Variants in ZNF148 observed in about 807,000 individuals in gnomAD.
ZNF148 encodes the protein zinc finger protein 148, also known as Beta-Enolase Repressor Factor-1.
Under a neutral mutation model 67.7 loss-of-function variants are expected in ZNF148, and 7 were observed. The ratio of observed to expected loss-of-function variants is 0.10; its 90% CI spans 0.06 to 0.19. The LOEUF (loss-of-function observed/expected upper bound fraction) is 0.19, where lower values mean the gene tolerates loss of function less well. Ranked by LOEUF, ZNF148 falls within the 10% of genes least tolerant of loss-of-function variation. The pLI is 1.00. For synonymous variants in ZNF148, 333 were observed against 330.7 expected (o/e 1.01, Z -0.08); for missense variants, 583 against 947.1 (o/e 0.62, Z 5.05).
At chr3:125,284,848 G>A (rs1938571804) in intron 5 of ZNF148, among the ~76,000 whole-genome samples, 1 of 151,062 alleles carries the variant, frequency 6.6e-6, no homozygotes, top group Non-Finnish European at 1.5e-5. Flanking sequence ...AGTGTATTTA[G>A]GCAAATTTCA....
intron 2 of ZNF148, 35 bp downstream of exon 2, chr3:125,331,123 A>C (rs1941272829): frequency 2.5e-6 from 1 of 398,440 alleles, no homozygotes; most frequent in South Asian, 1.3e-4. Context: ...ATTACAGGTA[A>C]AAATTAAAGA....
Position 125,233,442 on chromosome 3 carries a change from T to C in ZNF148, c.1284A>G (p.Glu428=), listed in dbSNP as rs776766082. The change falls in exon 9 of 9, where the codon GAA becomes GAG. Residue 428 remains glutamate, a synonymous_variant. Transcript: ENST00000360647. The surrounding 1 kb of genome is among the most constrained non-coding windows in gnomAD (Gnocchi z 5.1). ...CCAGTAAAGCCTGTTTATCCACAAGTTCAAAAGCATACTTTGAAACTTTGC... is the reference window on the plus strand; with the variant it reads ...CCAGTAAAGCCTGTTTATCCACAAGCTCAAAAGCATACTTTGAAACTTTGC... The part of the protein sequence containing the change: ...EESKVSKYAF[E]LVDKQALLDS... 2 of 1,613,822 alleles carry C rather than the reference T, an allele frequency of 1.2e-6. No individual in the cohort carries two copies. The highest frequency in any genetic ancestry group is 3.3e-5 in the Admixed American group (2 of 59,922).
At chr3:125,351,763 A>G (rs1245285375) in intron 1 of ZNF148, among the ~76,000 whole-genome samples, 1 of 152,250 alleles carries the variant, frequency 6.6e-6, no homozygotes, top group Non-Finnish European at 1.5e-5. Context: ...TCTCCAAAAA[A>G]TACATACAAA....
intron 7 of ZNF148, among the ~76,000 whole-genome samples, chr3:125,274,099 T>C (rs2107599133): frequency 6.6e-6 from 1 of 152,330 alleles, no homozygotes; most frequent in East Asian, 1.9e-4. Context: ...ATTCTATATA[T>C]GCATTTTTAA....
At position 125,232,238 on chromosome 3, in the gene ZNF148, G is replaced by T; in HGVS notation, c.*103C>A. The T allele has an allele frequency of 3.1e-6, 4 of 1,290,268 alleles. No individual in the cohort carries two copies. The highest frequency in any genetic ancestry group is 3.2e-5 in the South Asian group (2 of 61,670). 79.9% of individuals were successfully genotyped at this position (1,290,268 alleles called of 1,614,324 possible). Reference sequence around the variant, plus strand: ...TCATATCAGCTTAACTTGTTATTACGCATTGCTCTTAAATCTGTACAGCAC... The same window carrying T: ...TCATATCAGCTTAACTTGTTATTACTCATTGCTCTTAAATCTGTACAGCAC... On this transcript the variant is annotated 3_prime_UTR_variant, in exon 9 of 9. Transcript: ENST00000360647. This position sits in a 1 kb window ranked among gnomAD's most constrained non-coding sequence, Gnocchi z 4.2.
intron 1 of ZNF148, among the ~76,000 whole-genome samples, chr3:125,373,251 C>T (rs1390730342): frequency 6.6e-6 from 1 of 151,272 alleles, no homozygotes; most frequent in Non-Finnish European, 1.5e-5. Context: ...TCGACACCAG[C>T]CTGGCATGGT....
chr3:125,283,309 A>G (rs990081350), intron 5 of ZNF148, among the ~76,000 whole-genome samples: 6 of 152,116 alleles, frequency 3.9e-5, no homozygotes, highest in African/African-American at 1.4e-4. Flanking sequence ...TTTTCTCATC[A>G]CCAAATTTCC....
intron 1 of ZNF148, 132 bp downstream of exon 1, chr3:125,374,970 C>G (rs1405492839): frequency 6.6e-6 from 1 of 151,668 alleles, no homozygotes; most frequent in Non-Finnish European, 1.5e-5. Context: ...GGCCCCCTGG[C>G]CACCCCCAGC....
At chr3:125,310,380 AAAG>A (rs1304388716) in intron 4 of ZNF148, among the ~76,000 whole-genome samples, 1 of 152,148 alleles carries the variant, frequency 6.6e-6, no homozygotes, top group African/African-American at 2.4e-5. Context: ...CACCCAGTCC[AAAG>A]AAGAAATCTT....
At chr3:125,321,885 T>C (rs1940789043) in intron 3 of ZNF148, among the ~76,000 whole-genome samples, 1 of 152,112 alleles carries the variant, frequency 6.6e-6, no homozygotes, top group Non-Finnish European at 1.5e-5. Context: ...CACCTAATTT[T>C]TTTTTTTAAT....
rs548241081 is a variant in ZNF148, at chr3:125,362,555, T to A, written c.-234+12547A>T. On this transcript the variant is annotated intron_variant, in intron 1 of 8. Transcript: ENST00000360647. ...AAAGTCCTTACCCTTTTTTTGTTTT[T>A]GTTTTTGTTTTTTTTTTGAGACGGG... Among the ~76,000 whole-genome samples, 4 of 134,698 alleles carry A rather than the reference T, an allele frequency of 3.0e-5. No individual in the cohort carries two copies. In the East Asian group the frequency reaches 8.0e-4, roughly 27 times the overall value. The allele number at this position is 134,698 out of a possible 152,430, so 88.4% of individuals were successfully genotyped here.
intron 7 of ZNF148, among the ~76,000 whole-genome samples, chr3:125,248,002 T>G (rs764827610): frequency 6.6e-6 from 1 of 152,226 alleles, no homozygotes; most frequent in Non-Finnish European, 1.5e-5. Context: ...TATCAGCCAG[T>G]TATACACTCG....
At chr3:125,369,060 G>A (rs567351426) in intron 1 of ZNF148, among the ~76,000 whole-genome samples, 31 of 151,670 alleles carry the variant, frequency 2.0e-4, no homozygotes, top group Middle Eastern at 3.4e-3. Context: ...CCAGGAGTTC[G>A]AGACCAGCCT....
intron 7 of ZNF148, among the ~76,000 whole-genome samples, chr3:125,274,798 C>T (rs1398573141): frequency 2.0e-5 from 3 of 152,148 alleles, no homozygotes; most frequent in Non-Finnish European, 2.9e-5. Flanking sequence ...TGGTTTTCAC[C>T]AACCTTTGAG....
chr3:125,240,822 C>T (rs1936319852), intron 7 of ZNF148, among the ~76,000 whole-genome samples: 1 of 151,624 alleles, frequency 6.6e-6, no homozygotes, highest in Admixed American at 6.6e-5. Context: ...ACATTAACGC[C>T]TTAAAAGTAA....
intron 1 of ZNF148, among the ~76,000 whole-genome samples, chr3:125,349,232 T>C (rs1292425939): frequency 1.3e-5 from 2 of 151,988 alleles, no homozygotes; most frequent in Non-Finnish European, 2.9e-5. Context: ...ACAAGTGAGA[T>C]TACATCAAAC....
Position 125,329,235 on chromosome 3 carries a change from A to G in ZNF148, c.-153+1923T>C, listed in dbSNP as rs530903100. Among the ~76,000 whole-genome samples, 254 of 148,660 alleles carry G rather than the reference A, an allele frequency of 1.7e-3. 2 individuals carry two copies. Among genetic ancestry groups the G allele is most frequent in the Non-Finnish European group, 1.2e-3 (79 of 67,318 alleles). On this transcript the variant is annotated intron_variant, in intron 2 of 8. Coordinates refer to ENST00000360647, the MANE Select transcript of ZNF148 (RefSeq NM_021964.3). ...ATATATCTGTAGTATAAATATATGT[A>G]TAGATATATATATCTGTAGTATATA...
intron 3 of ZNF148, among the ~76,000 whole-genome samples, chr3:125,319,742 C>T (rs554565911): frequency 6.6e-6 from 1 of 152,070 alleles, no homozygotes; most frequent in Non-Finnish European, 1.5e-5. Flanking sequence ...ACAGCATATC[C>T]CCATTTAACA....
intron 1 of ZNF148, among the ~76,000 whole-genome samples, chr3:125,346,654 C>T (rs1350413654): frequency 6.6e-6 from 1 of 152,152 alleles, no homozygotes; most frequent in Non-Finnish European, 1.5e-5. Context: ...GTTTTATAAG[C>T]AACTGGCATT....
Sources: gnomAD v4.1 joint callset for allele counts (sites outside exome capture counted in the v4.1 genomes callset) on GRCh38, gnomAD v4.1.1 for gene constraint, Gnocchi (gnomAD v3.1) non-coding constraint, MANE v1.5 for transcripts, NCBI Gene and HGNC (gene_info 2026-07-23, HGNC 2026-07-21) for gene names.